The following CPED1 variants were observed in gnomAD, a reference collection of about 807,000 sequenced individuals.
CPED1 encodes the protein cadherin-like and PC-esterase domain-containing protein 1.
CPED1 carries 114 observed loss-of-function variants against 128.2 expected under a neutral mutation model. That is an observed-to-expected ratio of 0.89 (90% CI 0.76 to 1.04). The LOEUF (loss-of-function observed/expected upper bound fraction) is 1.04, where lower values mean the gene tolerates loss of function less well. Among genes scored for constraint, CPED1 ranks in the 50% least tolerant of loss-of-function variants. CPED1 has a pLI of 0.00. For missense variants in CPED1, 1,211 were observed against 1,207.1 expected (o/e 1.00, Z -0.05); for synonymous variants, 462 against 426.7 (o/e 1.08, Z -1.02).
intron 18 of CPED1, among the ~76,000 whole-genome samples, chr7:121,260,232 T>G (rs907511433): frequency 2.1e-5 from 3 of 146,086 alleles, no homozygotes; most frequent in Admixed American, 6.9e-5. Flanking sequence ...CGTTTTTTTT[T>G]TTTTTTTTTT....
At chr7:121,158,012 G>T (rs149292836) in intron 16 of CPED1, among the ~76,000 whole-genome samples, 1 of 151,984 alleles carries the variant, frequency 6.6e-6, no homozygotes, top group East Asian at 1.9e-4. Context: ...AAAATTTTTT[G>T]ATGAAAGGGA....
intron 3 of CPED1, among the ~76,000 whole-genome samples, chr7:121,037,263 T>C (rs1792919825): frequency 6.6e-6 from 1 of 152,220 alleles, no homozygotes; most frequent in Non-Finnish European, 1.5e-5. Flanking sequence ...AGAATATTTA[T>C]GGTTTTGTGT....
intron 18 of CPED1, among the ~76,000 whole-genome samples, chr7:121,252,350 C>A (rs1798693078): frequency 6.6e-6 from 1 of 152,180 alleles, no homozygotes; most frequent in Admixed American, 6.5e-5. Flanking sequence ...AGACCTAAAA[C>A]CACAGAAGAA....
intron 3 of CPED1, among the ~76,000 whole-genome samples, chr7:121,032,030 A>G (rs760854869): frequency 4.6e-5 from 7 of 152,182 alleles, no homozygotes; most frequent in Non-Finnish European, 7.3e-5. Flanking sequence ...ACTCTCATAC[A>G]TTGCTTGTGG....
chr7:120,999,832 T>C (rs1421912447), intron 2 of CPED1, among the ~76,000 whole-genome samples: 1 of 152,130 alleles, frequency 6.6e-6, no homozygotes, highest in Non-Finnish European at 1.5e-5. Flanking sequence ...CTTAAACAAA[T>C]TCAAATTTGT....
chr7:121,215,079 C>A (rs1332666232), intron 16 of CPED1, among the ~76,000 whole-genome samples: 1 of 151,986 alleles, frequency 6.6e-6, no homozygotes, highest in African/African-American at 2.4e-5. Context: ...ATGTAGACTG[C>A]CGGGCCCTTT....
chr7:121,133,881 G>C lies in CPED1; in HGVS notation c.1636G>C (p.Glu546Gln). The C allele has an allele frequency of 6.4e-7, 1 of 1,574,656 alleles. No homozygotes were observed. The highest frequency in any genetic ancestry group is 1.1e-5 in the South Asian group (1 of 87,008). Residue 546 changes from glutamate to glutamine, a missense_variant, in exon 13 of 23, where the codon GAA becomes CAA. Glu to Gln is a conservative substitution (Grantham distance 29). Coordinates refer to ENST00000310396, the MANE Select transcript of CPED1 (RefSeq NM_024913.5). ...EKPQVPFDAIENKKAAVPQIK... is the reference protein window; with the variant it reads ...EKPQVPFDAIQNKKAAVPQIK... Reference sequence around the variant, plus strand: ...ACCACAAGTGCCATTTGATGCAATAGAAAATAAAAAAGGTAAAAATATAGA... The same window carrying C: ...ACCACAAGTGCCATTTGATGCAATACAAAATAAAAAAGGTAAAAATATAGA...
At chr7:121,250,140 T>A (rs906666929) in intron 18 of CPED1, among the ~76,000 whole-genome samples, 3 of 152,066 alleles carry the variant, frequency 2.0e-5, no homozygotes, top group African/African-American at 7.2e-5. Flanking sequence ...CACACTGCAA[T>A]CAAACTAGAA....
chr7:121,053,637 C>T (rs1365931457), intron 4 of CPED1, among the ~76,000 whole-genome samples: 4 of 152,042 alleles, frequency 2.6e-5, no homozygotes, highest in African/African-American at 9.7e-5. Context: ...AAATTTTGCC[C>T]TCTAATTTTA....
At chr7:121,092,203 C>T (rs140724039) in intron 5 of CPED1, among the ~76,000 whole-genome samples, 2 of 152,272 alleles carry the variant, frequency 1.3e-5, no homozygotes, top group African/African-American at 2.4e-5. Context: ...CTCTTGTGTA[C>T]GTAGTATTGT....
At chr7:121,257,004 G>C (rs976383905) in intron 18 of CPED1, among the ~76,000 whole-genome samples, 2 of 152,000 alleles carry the variant, frequency 1.3e-5, no homozygotes, top group African/African-American at 4.8e-5. Flanking sequence ...TCACTTGTAA[G>C]TGAGAGCTAA....
intron 16 of CPED1, among the ~76,000 whole-genome samples, chr7:121,184,042 AG>A (rs1267416109): frequency 2.0e-5 from 3 of 151,994 alleles, no homozygotes; most frequent in African/African-American, 7.3e-5. Context: ...CAGGAGGCTG[AG>A]GCAGGAGAAT....
intron 5 of CPED1, among the ~76,000 whole-genome samples, chr7:121,076,255 G>A (rs1356438812): frequency 6.6e-6 from 1 of 152,056 alleles, no homozygotes; most frequent in Non-Finnish European, 1.5e-5. Context: ...ATAAGGGTAG[G>A]ATAAATCAAA....
At chr7:121,098,770 AT>A (rs1794763505) in intron 6 of CPED1, among the ~76,000 whole-genome samples, 1 of 10,876 alleles carries the variant, frequency 9.2e-5, no homozygotes, top group Non-Finnish European at 1.8e-4. Context: ...ATATATAAAT[AT>A]ATATATATAA....
chr7:121,167,724 T>C (rs1208068863), intron 16 of CPED1, among the ~76,000 whole-genome samples: 1 of 105,052 alleles, frequency 9.5e-6, no homozygotes, highest in East Asian at 3.5e-4. Flanking sequence ...TTTTAAAGTC[T>C]ATTTTTTTTT....
intron 7 of CPED1, among the ~76,000 whole-genome samples, chr7:121,118,844 C>T (rs1220793110): frequency 1.3e-5 from 2 of 151,932 alleles, no homozygotes; most frequent in African/African-American, 2.4e-5. Flanking sequence ...CGGGAGGCAT[C>T]GCACTTTAAA....
At position 121,156,039 on chromosome 7, in the gene CPED1, T is replaced by G. The variant is rs141560615; in HGVS notation, c.2055+13898T>G. ...ATCTGATTTTAAAATGAGTAAAAGA[T>G]CAGAAAAGACATTTCTCAAGAGATA... On this transcript the variant is annotated intron_variant, in intron 16 of 22. Coordinates refer to ENST00000310396, the MANE Select transcript of CPED1 (RefSeq NM_024913.5). Among the ~76,000 whole-genome samples, 10 of 152,054 alleles carry G rather than the reference T, an allele frequency of 6.6e-5. No individual in the cohort carries two copies. In the East Asian group the frequency reaches 1.9e-3, roughly 29 times the overall value.
intron 5 of CPED1, among the ~76,000 whole-genome samples, chr7:121,096,905 A>G (rs946939340): frequency 1.3e-5 from 2 of 152,142 alleles, no homozygotes; most frequent in East Asian, 3.8e-4. Flanking sequence ...GTTCATGTAG[A>G]TACATTGATA....
chr7:121,131,447 G>A (rs1584535503), intron 12 of CPED1, among the ~76,000 whole-genome samples: 1 of 150,612 alleles, frequency 6.6e-6, no homozygotes. Context: ...ATTTATTATA[G>A]ATGGGTGAAA....
Sources: gnomAD v4.1 joint callset for allele counts (sites outside exome capture counted in the v4.1 genomes callset) on GRCh38, gnomAD v4.1.1 for gene constraint, MANE v1.5 for transcripts, NCBI Gene and HGNC (gene_info 2026-07-23, HGNC 2026-07-21) for gene names.